Variants in AFG2A observed in about 807,000 individuals in gnomAD.
AFG2A encodes the protein ATPase family gene 2 protein homolog A.
chr4:123,096,559 A>G, the AFG2A span, among the ~76,000 whole-genome samples: 4 of 152,060 alleles, frequency 2.6e-5, no homozygotes, highest in African/African-American at 4.8e-5. Flanking sequence ...GCATGCCTCA[A>G]AATAGTTTTA....
At chr4:123,252,091 T>C in the AFG2A span, among the ~76,000 whole-genome samples, 883 of 152,288 alleles carry the variant, frequency 5.8e-3, 12 homozygotes, top group African/African-American at 0.02. Flanking sequence ...TAGATATTTT[T>C]ATTACCCATT....
the AFG2A span, among the ~76,000 whole-genome samples, chr4:123,089,858 C>T: frequency 2.6e-5 from 4 of 152,106 alleles, no homozygotes; most frequent in Admixed American, 1.3e-4. Flanking sequence ...AAAGGTTTTA[C>T]AGACGTGAGC....
chr4:123,059,841 C>T, the AFG2A span, among the ~76,000 whole-genome samples: 488 of 152,140 alleles, frequency 3.2e-3, 3 homozygotes, highest in Middle Eastern at 0.014. Flanking sequence ...TTAATGATCG[C>T]CATTCTAACT....
chr4:123,241,603 C>G, the AFG2A span, among the ~76,000 whole-genome samples: 73 of 152,304 alleles, frequency 4.8e-4, no homozygotes, highest in African/African-American at 1.7e-3. Flanking sequence ...TAAAAACTCT[C>G]AATAAACTAG....
chr4:123,030,503 T>C, the AFG2A span, among the ~76,000 whole-genome samples: 3 of 152,324 alleles, frequency 2.0e-5, no homozygotes, highest in East Asian at 3.9e-4. Flanking sequence ...TTGAGCTTTT[T>C]CATTAGATTT....
the AFG2A span, among the ~76,000 whole-genome samples, chr4:123,215,029 G>A: frequency 2.0e-5 from 3 of 151,914 alleles, no homozygotes; most frequent in African/African-American, 7.2e-5. Flanking sequence ...TGCATCAACT[G>A]TAATTCATTT....
the AFG2A span, among the ~76,000 whole-genome samples, chr4:122,946,970 A>G: frequency 1.3e-5 from 2 of 152,140 alleles, no homozygotes; most frequent in African/African-American, 4.8e-5. Context: ...GTCATAGTAG[A>G]TGGAGAGGTG....
At chr4:123,256,441 A>G in the AFG2A span, among the ~76,000 whole-genome samples, 2 of 152,236 alleles carry the variant, frequency 1.3e-5, no homozygotes, top group Non-Finnish European at 2.9e-5. Context: ...TGAGAAGAAC[A>G]CTAGACTAGA....
the AFG2A span, chr4:123,256,037 A>G: frequency 6.2e-7 from 1 of 1,614,114 alleles, no homozygotes; most frequent in Non-Finnish European, 8.5e-7. Context: ...GCCTGGAAGA[A>G]TTGATAGAAT....
At chr4:123,255,420 G>T in the AFG2A span, among the ~76,000 whole-genome samples, 1 of 151,960 alleles carries the variant, frequency 6.6e-6, no homozygotes, top group African/African-American at 2.4e-5. Flanking sequence ...GGGAGGCTGA[G>T]GCAGGAGAAT....
the AFG2A span, among the ~76,000 whole-genome samples, chr4:122,994,125 A>G: frequency 2.6e-5 from 4 of 152,008 alleles, no homozygotes; most frequent in Non-Finnish European, 5.9e-5. Context: ...ACAATAGTCT[A>G]TTATTAACCT....
At chr4:123,071,987 A>G in the AFG2A span, among the ~76,000 whole-genome samples, 2 of 152,228 alleles carry the variant, frequency 1.3e-5, no homozygotes, top group Admixed American at 6.5e-5. Flanking sequence ...TGATTAAAAG[A>G]TGGCTGTAGT....
the AFG2A span, among the ~76,000 whole-genome samples, chr4:123,201,310 A>C: frequency 6.6e-6 from 1 of 152,224 alleles, no homozygotes; most frequent in Non-Finnish European, 1.5e-5. Context: ...AACTGTGTTA[A>C]CTGGCTGATG....
the AFG2A span, among the ~76,000 whole-genome samples, chr4:122,964,347 T>G: frequency 2.6e-4 from 40 of 151,822 alleles, no homozygotes; most frequent in South Asian, 6.7e-3. Flanking sequence ...CTACTAAAAA[T>G]GCAAAAATTA....
At chr4:123,116,122 C>G in the AFG2A span, among the ~76,000 whole-genome samples, 1 of 152,110 alleles carries the variant, frequency 6.6e-6, no homozygotes, top group African/African-American at 2.4e-5. Flanking sequence ...TGGTCTCCAA[C>G]TCCCAGGCTC....
chr4:123,215,788 T>C, the AFG2A span, among the ~76,000 whole-genome samples: 1 of 152,154 alleles, frequency 6.6e-6, no homozygotes, highest in Non-Finnish European at 1.5e-5. Context: ...TCAGTAGCAT[T>C]TTCAAAAGTG....
the AFG2A span, among the ~76,000 whole-genome samples, chr4:123,036,818 C>G: frequency 6.6e-6 from 1 of 152,084 alleles, no homozygotes; most frequent in Non-Finnish European, 1.5e-5. Context: ...GCCAGCCCCT[C>G]TTGCATTTCA....
the AFG2A span, among the ~76,000 whole-genome samples, chr4:123,269,892 C>T: frequency 1.3e-5 from 2 of 151,912 alleles, no homozygotes; most frequent in East Asian, 1.9e-4. Context: ...TCTCGGCTCA[C>T]GGCAACCTCT....
At chr4:123,132,780 CTTTTTTTT>C in the AFG2A span, among the ~76,000 whole-genome samples, 1 of 129,216 alleles carries the variant, frequency 7.7e-6, no homozygotes, top group Admixed American at 7.8e-5. Flanking sequence ...GATTTCAATC[CTTTTTTTT>C]TTTTTTTTTT....
Sources: gnomAD v4.1 joint callset for allele counts (sites outside exome capture counted in the v4.1 genomes callset) on GRCh38, gnomAD v4.1.1 for gene constraint, MANE v1.5 for transcripts, NCBI Gene and HGNC (gene_info 2026-07-23, HGNC 2026-07-21) for gene names.